DHX57: variants seen among roughly 807,000 people sequenced by gnomAD.
The protein encoded by DHX57 is DExH-box helicase 57, also known as putative ATP-dependent RNA helicase DHX57.
DHX57 carries 105 observed loss-of-function variants against 156.2 expected under a neutral mutation model. That is an observed-to-expected ratio of 0.67 (90% CI 0.57 to 0.79). The LOEUF is 0.79. DHX57 is among the 30% of genes least tolerant of loss of function. The pLI is 0.00. For synonymous variants in DHX57, 704 were observed against 595.6 expected (o/e 1.18, Z -2.65); for missense variants, 1,847 against 1,661.9 (o/e 1.11, Z -1.94).
chr2:38,871,271 C>A (rs1272327660), intron 1 of DHX57, among the ~76,000 whole-genome samples: 1 of 152,052 alleles, frequency 6.6e-6, no homozygotes, highest in South Asian at 2.1e-4. Context: ...GGGCATGTCA[C>A]CTACAAGAAG....
At chr2:38,846,820 T>A (rs1672310021) in intron 11 of DHX57, among the ~76,000 whole-genome samples, 199 bp downstream of exon 11, 1 of 151,674 alleles carries the variant, frequency 6.6e-6, no homozygotes, top group East Asian at 1.9e-4. Flanking sequence ...ACATTGAGGG[T>A]CAAATATTAT....
chr2:38,849,297 T>A (rs1672457128), intron 9 of DHX57, among the ~76,000 whole-genome samples: 1 of 152,132 alleles, frequency 6.6e-6, no homozygotes, highest in Non-Finnish European at 1.5e-5. Flanking sequence ...GTAGGAAAAA[T>A]CCCAAGTTGC....
At chr2:38,875,169 G>A (rs1331167154) in intron 1 of DHX57, among the ~76,000 whole-genome samples, 3 of 152,182 alleles carry the variant, frequency 2.0e-5, no homozygotes, top group Non-Finnish European at 4.4e-5. Context: ...CAAGGGAATA[G>A]GAATTAGGTT....
At chr2:38,834,431 T>G (rs1671545746) in intron 13 of DHX57, among the ~76,000 whole-genome samples, 1 of 152,182 alleles carries the variant, frequency 6.6e-6, no homozygotes, top group African/African-American at 2.4e-5. Flanking sequence ...AAAAATGATT[T>G]TGTAGCCACC....
At chr2:38,848,424 C>A (rs368967595) in intron 9 of DHX57, 22 bp from the exon 10 acceptor site, 3 of 1,567,122 alleles carry the variant, frequency 1.9e-6, no homozygotes, top group Non-Finnish European at 2.6e-6. Context: ...AAAAGAAACA[C>A]CTGAGGATCA....
At position 38,822,647 on chromosome 2, in the gene DHX57, C is replaced by T. The variant is rs182030500; in HGVS notation, c.3291+346G>A. ...TGACCTCAAATGATCTGCCCGCCTC[C>T]GCCTCCCAAAGTGCGGGGATTACAG... is the stretch of plus-strand genomic sequence containing the variant. On this transcript the variant is annotated intron_variant, in intron 17 of 23. Coordinates refer to ENST00000457308, the MANE Select transcript of DHX57 (RefSeq NM_198963.3). 1.6e-4 allele frequency among the ~76,000 whole-genome samples: 24 copies of T among 152,084 alleles called. No homozygotes were observed. The East Asian group carries it at 4.3e-3, about 27-fold the overall frequency.
Position 38,857,861 on chromosome 2 carries a change from C to T in DHX57, c.1587+800G>A, listed in dbSNP as rs539409746. Among the ~76,000 whole-genome samples, 3 of 152,216 alleles carry T rather than the reference C, an allele frequency of 2.0e-5. No homozygotes were observed. The East Asian group carries it at 5.8e-4, about 29-fold the overall frequency. On this transcript the variant is annotated intron_variant, in intron 6 of 23. Transcript: ENST00000457308. ...AAACAGGGTAAAAGTCCTTCCTTATCCTTCTCCTTTTATATATTAATTTTT... is the reference window on the plus strand; with the variant it reads ...AAACAGGGTAAAAGTCCTTCCTTATTCTTCTCCTTTTATATATTAATTTTT...
intron 6 of DHX57, among the ~76,000 whole-genome samples, chr2:38,857,881 A>T (rs1011663791): frequency 1.3e-5 from 2 of 151,950 alleles, no homozygotes; most frequent in Admixed American, 6.6e-5. Flanking sequence ...TTATATATTA[A>T]TTTTTTCTAA....
chr2:38,873,321 A>T (rs1423587432), intron 1 of DHX57, among the ~76,000 whole-genome samples: 2 of 152,326 alleles, frequency 1.3e-5, no homozygotes, highest in African/African-American at 4.8e-5. Context: ...AAAGAAAGAA[A>T]TAATATGAAC....
chr2:38,822,682 AC>A (rs1670885508), intron 17 of DHX57, among the ~76,000 whole-genome samples: 1 of 152,178 alleles, frequency 6.6e-6, no homozygotes, highest in Admixed American at 6.5e-5. Context: ...GGCATAAGCC[AC>A]CGCGCTTGGC....
chr2:38,815,743 T>G, intron 19 of DHX57, 88 bp from the exon 20 acceptor site: 4 of 1,518,520 alleles, frequency 2.6e-6, no homozygotes, highest in African/African-American at 1.4e-5. Flanking sequence ...AAAAATGCAT[T>G]ATTTCAGGGG....
At chr2:38,815,956 C>T (rs1424174073) in intron 19 of DHX57, 5 of 414,308 alleles carry the variant, frequency 1.2e-5, no homozygotes, top group Admixed American at 1.1e-4. Context: ...TTTGGGTAGG[C>T]CTGATTTTCC....
intron 23 of DHX57, among the ~76,000 whole-genome samples, chr2:38,799,630 A>ATGAGG (rs1669572554): frequency 6.7e-6 from 1 of 150,264 alleles, no homozygotes. Flanking sequence ...CATGCCTGTA[A>ATGAGG]TCCCAGCTAC....
In DHX57 at chr2:38,815,503, C is replaced by A. The variant is rs200247727; in HGVS notation, c.3606+18G>T. On this transcript the variant is annotated intron_variant, in intron 20 of 23. Transcript: ENST00000457308. ...GTGCTAATTAAAGAGAAATGAGAAC[C>A]AACTCCACATTCTTTACCTCTTCTC... 5 of 1,613,628 alleles carry A rather than the reference C, an allele frequency of 3.1e-6. No homozygotes were observed. Among genetic ancestry groups the A allele is most frequent in the Non-Finnish European group, 2.5e-6 (3 of 1,179,788 alleles).
chr2:38,867,210 G>C (rs929158259), intron 2 of DHX57: 3 of 152,180 alleles, frequency 2.0e-5, no homozygotes, highest in African/African-American at 7.2e-5. Flanking sequence ...GTGTGTTGTA[G>C]GTTGTACCAT....
Position 38,798,151 on chromosome 2 carries a change from CACTGCCTCA to C in DHX57, c.*139_*147del, listed in dbSNP as rs1259942464. On this transcript the variant is annotated 3_prime_UTR_variant, in exon 24 of 24. Coordinates refer to ENST00000457308, the MANE Select transcript of DHX57 (RefSeq NM_198963.3). The stretch of plus-strand genomic sequence containing the variant: ...TTAGAAATGGCCCTAAGGGTATATA[CACTGCCTCA>C]GCTGCCTTGGGCTTCATGCCCTGGG... The C allele has an allele frequency of 5.5e-5, 58 of 1,062,828 alleles. No homozygotes were observed. Among genetic ancestry groups the C allele is most frequent in the Non-Finnish European group, 6.9e-5 (51 of 740,836 alleles). The allele number at this position is 1,062,828 out of a possible 1,614,324, so 65.8% of individuals were successfully genotyped here.
chr2:38,828,649 G>T (rs542110277), intron 13 of DHX57, among the ~76,000 whole-genome samples: 2 of 152,082 alleles, frequency 1.3e-5, no homozygotes, highest in African/African-American at 2.4e-5. Context: ...CTTGAGCCAG[G>T]GAGGCGGAGT....
chr2:38,842,679 G>A (rs1424013915), intron 12 of DHX57, among the ~76,000 whole-genome samples: 3 of 151,980 alleles, frequency 2.0e-5, no homozygotes, highest in African/African-American at 4.8e-5. Flanking sequence ...TTAGCCTTGC[G>A]AACTTTTCCA....
rs780108252 is a variant in DHX57 at position 38,868,319 on chromosome 2, G to A, written c.87C>T (p.His29=). 1.8e-5 allele frequency: 29 copies of A among 1,613,404 alleles called. No individual in the cohort carries two copies. In the East Asian group the frequency reaches 3.1e-4, roughly 17 times the overall value. The part of the protein sequence containing the change: ...SSRGGRGGRS[H]ASKSHGSGGG... ...CACCACTCCCATGAGATTTACTGGC[G>A]TGACTCCTGCCTCCTCTTCCTCCTC... is the stretch of plus-strand genomic sequence containing the variant. Residue 29 remains histidine, a synonymous_variant, in exon 2 of 24, where the codon CAC becomes CAT. Coordinates refer to ENST00000457308, the MANE Select transcript of DHX57 (RefSeq NM_198963.3).
Sources: allele counts gnomAD v4.1 joint callset (sites outside exome capture counted in the v4.1 genomes callset), GRCh38; gene constraint gnomAD v4.1.1; transcripts MANE v1.5; gene names NCBI Gene and HGNC (gene_info 2026-07-23, HGNC 2026-07-21).